Variants in ERC2 observed in about 807,000 individuals in gnomAD.
The protein encoded by ERC2 is ERC protein 2.
ERC2 carries 42 observed loss-of-function variants against 114.8 expected under a neutral mutation model. The ratio of observed to expected loss-of-function variants is 0.37; its 90% CI spans 0.29 to 0.47. The LOEUF (loss-of-function observed/expected upper bound fraction) is 0.47, where lower values mean the gene tolerates loss of function less well. Ranked by LOEUF, ERC2 falls within the 20% of genes least tolerant of loss-of-function variation. The probability of loss-of-function intolerance (pLI) is 0.99; values close to 1 mark genes in which losing one functional copy is unlikely to be tolerated. For synonymous variants in ERC2, 454 were observed against 425.5 expected (o/e 1.07, Z -0.82); for missense variants, 939 against 1,150.7 (o/e 0.82, Z 2.66).
chr3:55,606,365 G>A (rs1435946939), intron 17 of ERC2, among the ~76,000 whole-genome samples: 1 of 152,146 alleles, frequency 6.6e-6, no homozygotes. Context: ...GGGCTAGGGG[G>A]TAGAGGAAGA....
At chr3:55,922,425 G>A (rs572554786) in intron 13 of ERC2, among the ~76,000 whole-genome samples, 8 of 151,966 alleles carry the variant, frequency 5.3e-5, no homozygotes, top group Non-Finnish European at 7.4e-5. Flanking sequence ...GAAATCCAGC[G>A]GAAGCAACAC....
chr3:55,683,909 G>C, intron 16 of ERC2, 50 bp from the exon 17 acceptor site: 1 of 1,593,522 alleles, frequency 6.3e-7, no homozygotes, highest in Non-Finnish European at 8.5e-7. Context: ...GGGAGCACCA[G>C]AATGAAAGAA....
At chr3:55,761,260 G>A (rs930694904) in intron 14 of ERC2, among the ~76,000 whole-genome samples, 5 of 152,130 alleles carry the variant, frequency 3.3e-5, no homozygotes, top group African/African-American at 1.2e-4. Flanking sequence ...AGCTTTACAT[G>A]TACAGTTGTT....
intron 12 of ERC2, among the ~76,000 whole-genome samples, chr3:55,984,295 A>AC (rs2070401366): frequency 6.6e-6 from 1 of 152,086 alleles, no homozygotes. Context: ...AAATAGGAAA[A>AC]AAAAAACAAA....
intron 14 of ERC2, among the ~76,000 whole-genome samples, chr3:55,739,128 A>C (rs2065823290): frequency 6.6e-6 from 1 of 152,152 alleles, no homozygotes; most frequent in African/African-American, 2.4e-5. Flanking sequence ...CATGGTGTAT[A>C]TGTGCCACAT....
intron 13 of ERC2, among the ~76,000 whole-genome samples, chr3:55,906,357 G>C (rs1233998048): frequency 6.7e-6 from 1 of 150,352 alleles, no homozygotes; most frequent in African/African-American, 2.5e-5. Flanking sequence ...GCGTGAACCC[G>C]GGAGGCGGAG....
At chr3:55,591,116 C>T (rs531088093) in intron 17 of ERC2, among the ~76,000 whole-genome samples, 37 of 152,044 alleles carry the variant, frequency 2.4e-4, no homozygotes, top group African/African-American at 8.4e-4. Flanking sequence ...TGTGAGCCAC[C>T]GTGCCCAGCC....
rs1576187118 is a variant in ERC2 at position 55,697,422 on chromosome 3, T to C, written c.2847+1956A>G. ...TCAACAACGTGGCTTAGCCAGACAC[T>C]CTTCAAGGAATGCTAACTCTTCTGG... On this transcript the variant is annotated intron_variant, in intron 16 of 17. Transcript: ENST00000288221. Among the ~76,000 whole-genome samples, 3 of 152,282 alleles carry C rather than the reference T, an allele frequency of 2.0e-5. No homozygotes were observed. The South Asian group carries it at 6.2e-4, about 32-fold the overall frequency.
At chr3:55,799,008 A>C (rs1037801821) in intron 14 of ERC2, among the ~76,000 whole-genome samples, 5 of 152,208 alleles carry the variant, frequency 3.3e-5, no homozygotes, top group Admixed American at 3.3e-4. Flanking sequence ...CAAGAAGCGC[A>C]TGTACGTAAG....
intron 6 of ERC2, among the ~76,000 whole-genome samples, chr3:56,090,520 C>T (rs1011914498): frequency 5.3e-5 from 8 of 152,002 alleles, no homozygotes; most frequent in Admixed American, 3.3e-4. Flanking sequence ...AGTATTATGT[C>T]AATATCATTT....
intron 14 of ERC2, among the ~76,000 whole-genome samples, chr3:55,814,417 T>C (rs2059833082): frequency 6.6e-6 from 1 of 152,226 alleles, no homozygotes; most frequent in Non-Finnish European, 1.5e-5. Flanking sequence ...CAAACCAAGA[T>C]TTCCTGCTGC....
intron 3 of ERC2, among the ~76,000 whole-genome samples, chr3:56,293,994 TC>T (rs966736476): frequency 4.6e-5 from 7 of 152,108 alleles, no homozygotes; most frequent in African/African-American, 1.7e-4. Context: ...TTCTCTGGCA[TC>T]ACAGCCTTGC....
rs762242569 is a variant in ERC2, at chr3:56,169,808, TAA to T, written c.1149+3636_1149+3637del. ...CTACCATTACTGTCATTCATTTTCT[TAA>T]AAAAAAAAAAAAACAAATGGCTTTA... On this transcript the variant is annotated intron_variant, in intron 4 of 17. Transcript: ENST00000288221. Among the ~76,000 whole-genome samples the T allele has an allele frequency of 2.8e-4, 36 of 129,560 alleles. 1 individual carries two copies. Among genetic ancestry groups the T allele is most frequent in the Non-Finnish European group, 1.8e-5 (1 of 55,760 alleles). The allele number at this position is 129,560 out of a possible 152,430, so 85.0% of individuals were successfully genotyped here.
At chr3:56,071,607 T>C (rs1576804383) in intron 7 of ERC2, among the ~76,000 whole-genome samples, 1 of 152,298 alleles carries the variant, frequency 6.6e-6, no homozygotes, top group Non-Finnish European at 1.5e-5. Context: ...CTGTAGATGC[T>C]GAATGAATGG....
rs756788054 is a variant in ERC2, at chr3:56,434,549, C to G, written c.459G>C (p.Gln153His). 2 of 1,613,998 alleles carry G rather than the reference C, an allele frequency of 1.2e-6. No individual in the cohort carries two copies. The highest frequency in any genetic ancestry group is 2.2e-5 in the South Asian group (2 of 91,088). Residue 153 changes from glutamine to histidine, a missense_variant, in exon 2 of 18, where the codon CAG becomes CAC. Around this residue, in one of 5 missense-constraint regions of ERC2, gnomAD observed 281 missense variants for 307.4 expected, o/e 0.91. Transcript: ENST00000288221. ...CATTCTCTCTCTGCAGTTCTTTCAG[C>G]TGGGCCTGAAGATCTAACATTGTGC... The part of the protein sequence containing the change: ...RDSTMLDLQA[Q>H]LKELQRENDL...
rs375928296 is a variant in ERC2, at chr3:55,888,448, C to T, written c.2505G>A (p.Ala835=). The T allele has an allele frequency of 6.6e-5, 107 of 1,613,836 alleles. 1 individual carries two copies. The African/African-American group carries it at 1.1e-3, about 16-fold the overall frequency. ...STQQSLAEKE[A]HLANLRIERR... ...TCTCAATCCGGAGGTTGGCCAAGTGCGCTTCTTTTTCGGCCAGGGACTGTT... is the reference window on the plus strand; with the variant it reads ...TCTCAATCCGGAGGTTGGCCAAGTGTGCTTCTTTTTCGGCCAGGGACTGTT... Residue 835 remains alanine, a synonymous_variant, in exon 14 of 18, where the codon GCG becomes GCA. Transcript: ENST00000288221.
At position 56,109,139 on chromosome 3, in the gene ERC2, T is replaced by C. The variant is rs933749380; in HGVS notation, c.1474-28155A>G. Among the ~76,000 whole-genome samples the C allele has an allele frequency of 3.1e-4, 47 of 152,074 alleles. 1 individual carries two copies. The highest frequency in any genetic ancestry group is 9.7e-5 in the African/African-American group (4 of 41,422). On this transcript the variant is annotated intron_variant, in intron 6 of 17. Coordinates refer to ENST00000288221, the MANE Select transcript of ERC2 (RefSeq NM_015576.3). ...CCCAGGTACTAAGCCTAGTACCTAA[T>C]AGTTATTTTTTCTGCTCCTCTCTCC... is the stretch of plus-strand genomic sequence containing the variant.
At chr3:56,111,084 C>A (rs2078933445) in intron 6 of ERC2, among the ~76,000 whole-genome samples, 1 of 152,060 alleles carries the variant, frequency 6.6e-6, no homozygotes, top group African/African-American at 2.4e-5. Context: ...CCTCTACATT[C>A]CCATTATAGA....
chr3:55,631,180 A>G (rs762072148), intron 17 of ERC2, among the ~76,000 whole-genome samples: 1 of 152,068 alleles, frequency 6.6e-6, no homozygotes, highest in Non-Finnish European at 1.5e-5. Context: ...TCCCCAAGCA[A>G]TGGGAATTGC....
Sources: allele counts gnomAD v4.1 joint callset (sites outside exome capture counted in the v4.1 genomes callset), GRCh38; gene constraint gnomAD v4.1.1; regional missense constraint gnomAD v4.1.1; transcripts MANE v1.5; gene names NCBI Gene and HGNC (gene_info 2026-07-23, HGNC 2026-07-21).